Variants in SLC44A5 observed in about 807,000 individuals in gnomAD.
The protein encoded by SLC44A5 is solute carrier family 44 member 5, also known as choline transporter-like protein 5.
A neutral mutation model predicts 101.8 loss-of-function variants in SLC44A5; 57 were observed. The ratio of observed to expected loss-of-function variants is 0.56; its 90% CI spans 0.45 to 0.70. The LOEUF (loss-of-function observed/expected upper bound fraction) is 0.70. SLC44A5 is among the 30% of genes least tolerant of loss of function. The pLI is 0.00. For synonymous variants in SLC44A5, 281 were observed against 290.9 expected, an observed-to-expected ratio of 0.97 and a Z score of 0.35; for missense variants, 737 against 853.1, an observed-to-expected ratio of 0.86 and a Z score of 1.70.
At chr1:75,678,522 G>A in the SLC44A5 span, among the ~76,000 whole-genome samples, 2 of 150,138 alleles carry the variant, frequency 1.3e-5, no homozygotes, top group African/African-American at 2.4e-5. Context: ...CACACTGCAG[G>A]GTACTCCAAC....
chr1:75,634,384 G>A, the SLC44A5 span, among the ~76,000 whole-genome samples: 1,260 of 152,128 alleles, frequency 8.3e-3, 65 homozygotes, highest in Admixed American at 0.072. Flanking sequence ...TATTAAGCTG[G>A]AGGCATCACG....
chr1:75,583,900 AGTTG>A (rs1673846201), intron 1 of SLC44A5, among the ~76,000 whole-genome samples: 1 of 152,190 alleles, frequency 6.6e-6, no homozygotes, highest in Admixed American at 6.5e-5. Context: ...ATCACAGACC[AGTTG>A]GTGGTCCGGC....
intron 2 of SLC44A5, among the ~76,000 whole-genome samples, chr1:75,403,340 T>A (rs928006789): frequency 6.6e-6 from 1 of 152,156 alleles, no homozygotes; most frequent in Admixed American, 6.5e-5. Flanking sequence ...CAGGGCTCGA[T>A]CTCTGCTAAG....
chr1:75,304,729 C>G (rs942489224), intron 4 of SLC44A5, among the ~76,000 whole-genome samples: 2 of 152,150 alleles, frequency 1.3e-5, no homozygotes, highest in Admixed American at 1.3e-4. Context: ...CATATTCTAG[C>G]TACAGGCTTG....
chr1:75,677,548 A>C, the SLC44A5 span, among the ~76,000 whole-genome samples: 1 of 152,216 alleles, frequency 6.6e-6, no homozygotes, highest in Non-Finnish European at 1.5e-5. Context: ...ACTAAAAGGA[A>C]GACAGAAAGG....
chr1:75,408,261 G>A lies in SLC44A5; in HGVS notation c.14-11640C>T, dbSNP rs1054242043. ...AAATAAGAATGTTTTTACACTGTTG[G>A]TGGGAGTGTAAATTAGTTCAACCAT... On this transcript the variant is annotated intron_variant, in intron 2 of 23. Transcript: ENST00000370859. Among the ~76,000 whole-genome samples the A allele has an allele frequency of 4.6e-5, 7 of 152,282 alleles. No homozygotes were observed. In the South Asian group the frequency reaches 6.2e-4, roughly 14 times the overall value.
At chr1:75,608,194 AC>A (rs1033559326) in intron 1 of SLC44A5, among the ~76,000 whole-genome samples, 14 of 144,086 alleles carry the variant, frequency 9.7e-5, no homozygotes, top group African/African-American at 3.5e-4. Context: ...ACAAAACAAA[AC>A]AAAAAACAAA....
the SLC44A5 span, among the ~76,000 whole-genome samples, chr1:75,697,356 C>G: frequency 1.3e-5 from 2 of 152,178 alleles, no homozygotes. Flanking sequence ...CCACAAGAAT[C>G]TGACAAGTTC....
the SLC44A5 span, among the ~76,000 whole-genome samples, chr1:75,707,027 T>A: frequency 6.6e-6 from 1 of 152,236 alleles, no homozygotes; most frequent in Non-Finnish European, 1.5e-5. Flanking sequence ...CCATTCCAGA[T>A]ATACTTACAA....
chr1:75,292,194 T>G (rs1653612915), intron 5 of SLC44A5, among the ~76,000 whole-genome samples: 1 of 152,016 alleles, frequency 6.6e-6, no homozygotes, highest in South Asian at 2.1e-4. Flanking sequence ...CTATTCAAAT[T>G]TTCCTGGACG....
intron 3 of SLC44A5, among the ~76,000 whole-genome samples, chr1:75,370,131 C>G (rs539661155): frequency 6.6e-6 from 1 of 152,310 alleles, no homozygotes; most frequent in South Asian, 2.1e-4. Context: ...TGGCTTTAAG[C>G]CAGGCCTGGA....
At chr1:75,681,593 T>G in the SLC44A5 span, among the ~76,000 whole-genome samples, 1 of 151,094 alleles carries the variant, frequency 6.6e-6, no homozygotes, top group African/African-American at 2.4e-5. Flanking sequence ...AATTAGGTAT[T>G]GATGGGACAT....
the SLC44A5 span, among the ~76,000 whole-genome samples, chr1:75,680,486 C>T: frequency 8.9e-5 from 13 of 145,426 alleles, no homozygotes; most frequent in East Asian, 2.0e-4. Flanking sequence ...TACATGGAAA[C>T]TGAACAACCT....
intron 2 of SLC44A5, among the ~76,000 whole-genome samples, chr1:75,424,497 G>C (rs938217118): frequency 1.3e-5 from 2 of 152,138 alleles, no homozygotes; most frequent in Non-Finnish European, 2.9e-5. Context: ...GTAGAGCCAG[G>C]TTTCACCACG....
chr1:75,627,620 C>T, the SLC44A5 span, among the ~76,000 whole-genome samples: 1 of 151,736 alleles, frequency 6.6e-6, no homozygotes, highest in Non-Finnish European at 1.5e-5. Context: ...GAGTACGAAG[C>T]TAGAGTGAAT....
chr1:75,359,463 A>G (rs1365930003), intron 3 of SLC44A5, among the ~76,000 whole-genome samples: 3 of 150,050 alleles, frequency 2.0e-5, no homozygotes, highest in Non-Finnish European at 4.4e-5. Flanking sequence ...CTGATCTGGA[A>G]CTCCTGGGCT....
At chr1:75,282,541 A>G (rs150054443) in intron 5 of SLC44A5, among the ~76,000 whole-genome samples, 1 of 152,224 alleles carries the variant, frequency 6.6e-6, no homozygotes, top group African/African-American at 2.4e-5. Context: ...GTGGAATAAT[A>G]TGGTCTGGTT....
At chr1:75,678,482 G>A in the SLC44A5 span, among the ~76,000 whole-genome samples, 2 of 151,614 alleles carry the variant, frequency 1.3e-5, no homozygotes. Flanking sequence ...TAACTGGGAG[G>A]CACCCTCCAG....
chr1:75,594,609 T>C (rs1360407361), intron 1 of SLC44A5, among the ~76,000 whole-genome samples: 1 of 151,984 alleles, frequency 6.6e-6, no homozygotes, highest in East Asian at 1.9e-4. Context: ...TGTAAATTGA[T>C]AATAAGCAAC....
Sources: gnomAD v4.1 joint callset for allele counts (sites outside exome capture counted in the v4.1 genomes callset) on GRCh38, gnomAD v4.1.1 for gene constraint, MANE v1.5 for transcripts, NCBI Gene and HGNC (gene_info 2026-07-23, HGNC 2026-07-21) for gene names.